Variants in FGF12 observed in about 807,000 individuals in gnomAD.
FGF12 encodes the protein fibroblast growth factor 12B.
Under a neutral mutation model 23.6 loss-of-function variants are expected in FGF12, and 14 were observed. The ratio of observed to expected loss-of-function variants is 0.59; its 90% CI spans 0.39 to 0.93. FGF12 has a LOEUF of 0.93. Ranked by LOEUF, FGF12 falls within the 40% of genes least tolerant of loss-of-function variation. FGF12 has a pLI of 0.00. For synonymous variants in FGF12, 62 were observed against 77.3 expected (o/e 0.80, Z 1.04); for missense variants, 175 against 217.8 (o/e 0.80, Z 1.24).
intron 3 of FGF12, among the ~76,000 whole-genome samples, chr3:192,346,007 CAT>C (rs1178770798): frequency 4.7e-5 from 7 of 148,940 alleles, no homozygotes; most frequent in African/African-American, 1.0e-4. Context: ...TAGAAATAAA[CAT>C]AATGTGGAAA....
At chr3:192,311,404 T>C (rs2108672762) in intron 4 of FGF12, among the ~76,000 whole-genome samples, 1 of 152,300 alleles carries the variant, frequency 6.6e-6, no homozygotes, top group East Asian at 1.9e-4. Context: ...AAGTATATCT[T>C]TTGTGACTAG....
chr3:192,359,200 C>A (rs1718611815), intron 3 of FGF12, among the ~76,000 whole-genome samples: 1 of 152,044 alleles, frequency 6.6e-6, no homozygotes, highest in Admixed American at 6.5e-5. Flanking sequence ...AAATGAAATT[C>A]TTTATAATAA....
chr3:192,679,137 A>G (rs376488949), intron 2 of FGF12, among the ~76,000 whole-genome samples: 9 of 152,300 alleles, frequency 5.9e-5, no homozygotes, highest in East Asian at 3.9e-4. Context: ...TTGGTGGAGT[A>G]AGGGTATGCA....
At position 192,431,248 on chromosome 3, in the gene FGF12, G is replaced by A. The variant is rs538985588; in HGVS notation, c.14-70710C>T. ...ACACAGGAGCTGGGTTCTGAAAAGA[G>A]AAACTTCAGCGGTACCTGTAAGCAG... On this transcript the variant is annotated intron_variant, in intron 2 of 5. Coordinates refer to ENST00000445105, the MANE Select transcript of FGF12 (RefSeq NM_004113.6). Among the ~76,000 whole-genome samples the A allele has an allele frequency of 2.6e-5, 4 of 152,294 alleles. No individual in the cohort carries two copies. In the South Asian group the frequency reaches 8.3e-4, roughly 32 times the overall value.
chr3:192,657,242 G>A (rs192898670), intron 2 of FGF12, among the ~76,000 whole-genome samples: 7 of 152,056 alleles, frequency 4.6e-5, no homozygotes, highest in Admixed American at 1.3e-4. Context: ...ATGTCAGGGC[G>A]GTTATGATGA....
At chr3:192,637,496 A>G (rs1337926695) in intron 2 of FGF12, among the ~76,000 whole-genome samples, 1 of 152,168 alleles carries the variant, frequency 6.6e-6, no homozygotes, top group Admixed American at 6.5e-5. Context: ...GCCACTTACC[A>G]AATGTGCCTT....
intron 4 of FGF12, among the ~76,000 whole-genome samples, chr3:192,249,875 C>A (rs950772557): frequency 6.6e-6 from 1 of 152,070 alleles, no homozygotes; most frequent in African/African-American, 2.4e-5. Flanking sequence ...ATTTGGGGCT[C>A]CTTTCAAGCA....
intron 5 of FGF12, among the ~76,000 whole-genome samples, chr3:192,161,892 G>A (rs1315217919): frequency 4.6e-5 from 7 of 152,128 alleles, no homozygotes; most frequent in Admixed American, 4.6e-4. Flanking sequence ...TCACTCTGTA[G>A]TGGAGAGTTG....
chr3:192,227,596 A>G (rs1342544870), intron 4 of FGF12, among the ~76,000 whole-genome samples: 1 of 151,386 alleles, frequency 6.6e-6, no homozygotes. Flanking sequence ...AAAAAAAAAA[A>G]AAGAAAAAAG....
At chr3:192,330,748 ACCT>A (rs949426009) in intron 4 of FGF12, among the ~76,000 whole-genome samples, 22 of 151,818 alleles carry the variant, frequency 1.4e-4, no homozygotes, top group African/African-American at 5.3e-4. Context: ...CAAACAAAAA[ACCT>A]CCTAGAATAA....
At chr3:192,216,552 A>G (rs1560195992) in intron 4 of FGF12, among the ~76,000 whole-genome samples, 1 of 152,224 alleles carries the variant, frequency 6.6e-6, no homozygotes, top group African/African-American at 2.4e-5. Flanking sequence ...ACGTGTAATA[A>G]ACAATACCTT....
chr3:192,563,626 G>C (rs1577055848), intron 2 of FGF12, among the ~76,000 whole-genome samples: 1 of 152,170 alleles, frequency 6.6e-6, no homozygotes, highest in Non-Finnish European at 1.5e-5. Context: ...ATAGTGCTTT[G>C]TCAGCAAAGA....
At chr3:192,425,677 C>T (rs1424927791) in intron 2 of FGF12, among the ~76,000 whole-genome samples, 1 of 152,186 alleles carries the variant, frequency 6.6e-6, no homozygotes, top group African/African-American at 2.4e-5. Context: ...TAATAAATCA[C>T]TAGCGAATAG....
chr3:192,462,062 T>C (rs923657312), intron 2 of FGF12, among the ~76,000 whole-genome samples: 1 of 152,030 alleles, frequency 6.6e-6, no homozygotes, highest in Non-Finnish European at 1.5e-5. Context: ...ATAAAATATA[T>C]GGCTTGTTTC....
intron 2 of FGF12, among the ~76,000 whole-genome samples, chr3:192,389,238 T>C (rs967123569): frequency 3.1e-4 from 47 of 152,118 alleles, no homozygotes; most frequent in African/African-American, 1.1e-3. Flanking sequence ...CACATGCCTA[T>C]AGTCCCAGCT....
intron 2 of FGF12, among the ~76,000 whole-genome samples, chr3:192,397,944 A>AC (rs1265703005): frequency 7.6e-4 from 88 of 115,686 alleles, no homozygotes; most frequent in African/African-American, 3.3e-3. Context: ...CACCAGTGCA[A>AC]TTTAAAAAAA....
rs34265167 is a variant in FGF12 at position 192,170,663 on chromosome 3, GAA to G, written c.229-9_229-8del. On this transcript the variant is annotated splice_region_variant and splice_polypyrimidine_tract_variant and intron_variant, in intron 4 of 5. Coordinates refer to ENST00000445105, the MANE Select transcript of FGF12 (RefSeq NM_004113.6). ...ATTCTGGAGTGAAAACATCCTGTAG[GAA>G]AAAAAAAAAAAGACACAAAAAAGAG... is the stretch of plus-strand genomic sequence containing the variant. 0.1 allele frequency: 143,150 copies of G among 1,388,156 alleles called. 2,877 individuals carry two copies. Among genetic ancestry groups the G allele is most frequent in the African/African-American group, 0.17 (10,988 of 64,668 alleles). 86.0% of individuals were successfully genotyped at this position (1,388,156 alleles called of 1,614,324 possible).
At chr3:192,161,036 CAG>C (rs542332100) in intron 5 of FGF12, among the ~76,000 whole-genome samples, 219 of 151,836 alleles carry the variant, frequency 1.4e-3, no homozygotes, top group African/African-American at 5.1e-3. Context: ...ATCAATGAAA[CAG>C]AAAATAAACC....
chr3:192,458,399 C>T (rs533197356), intron 2 of FGF12, among the ~76,000 whole-genome samples: 2 of 152,320 alleles, frequency 1.3e-5, no homozygotes, highest in African/African-American at 4.8e-5. Context: ...TGCAAAGTCA[C>T]AGGGGCAGAG....
Sources: allele counts gnomAD v4.1 joint callset (sites outside exome capture counted in the v4.1 genomes callset), GRCh38; gene constraint gnomAD v4.1.1; transcripts MANE v1.5; gene names NCBI Gene and HGNC (gene_info 2026-07-23, HGNC 2026-07-21).